Variants in ADGRL4 observed in about 807,000 individuals in gnomAD.
The protein encoded by ADGRL4 is adhesion G protein-coupled receptor L4, also known as EGF, latrophilin and seven transmembrane domain containing 1.
ADGRL4 carries 90 observed loss-of-function variants against 74.8 expected under a neutral mutation model. The ratio of observed to expected loss-of-function variants is 1.20; its 90% CI spans 1.02 to 1.43. ADGRL4 has a LOEUF of 1.43. Ranked by LOEUF, ADGRL4 falls within the 40% of genes most tolerant of loss-of-function variation. The probability of loss-of-function intolerance (pLI) is 0.00; values close to 1 mark genes in which losing one functional copy is unlikely to be tolerated. For missense variants in ADGRL4, 881 were observed against 814.3 expected (o/e 1.08, Z -1.00); for synonymous variants, 311 against 279.2 (o/e 1.11, Z -1.14).
chr1:78,983,596 C>A (rs1650438329), intron 2 of ADGRL4, among the ~76,000 whole-genome samples: 1 of 151,594 alleles, frequency 6.6e-6, no homozygotes, highest in African/African-American at 2.4e-5. Context: ...GTTTAAGAAA[C>A]ATATAACAGA....
intron 12 of ADGRL4, among the ~76,000 whole-genome samples, chr1:78,893,738 G>GT: frequency 6.6e-6 from 1 of 151,920 alleles, no homozygotes; most frequent in African/African-American, 2.4e-5. Context: ...TGATTTAACC[G>GT]TGGATGCTTT....
At chr1:78,954,202 G>T (rs2100702036) in intron 2 of ADGRL4, among the ~76,000 whole-genome samples, 1 of 152,052 alleles carries the variant, frequency 6.6e-6, no homozygotes, top group South Asian at 2.1e-4. Context: ...ACCTAGTAGG[G>T]TTCATATTAC....
At chr1:78,896,579 C>T (rs1432050681) in intron 12 of ADGRL4, among the ~76,000 whole-genome samples, 1 of 152,132 alleles carries the variant, frequency 6.6e-6, no homozygotes, top group African/African-American at 2.4e-5. Context: ...TAACTACTTA[C>T]CATTTCCACA....
chr1:79,004,592 T>A (rs568688404), intron 2 of ADGRL4, among the ~76,000 whole-genome samples: 1 of 152,278 alleles, frequency 6.6e-6, no homozygotes, highest in African/African-American at 2.4e-5. Context: ...TCATTTCCTA[T>A]GCCCAGGGTA....
chr1:78,961,308 A>G (rs1383148892), intron 2 of ADGRL4, among the ~76,000 whole-genome samples: 1 of 152,000 alleles, frequency 6.6e-6, no homozygotes, highest in East Asian at 1.9e-4. Context: ...TCACCCAGCT[A>G]ATTTTTGTAT....
chr1:78,924,155 A>G (rs986836721), intron 8 of ADGRL4, among the ~76,000 whole-genome samples: 1 of 152,010 alleles, frequency 6.6e-6, no homozygotes, highest in African/African-American at 2.4e-5. Context: ...TCTCCAGGTT[A>G]CCCTTGAAAG....
At chr1:78,949,551 G>A (rs990415079) in intron 2 of ADGRL4, among the ~76,000 whole-genome samples, 42 of 152,216 alleles carry the variant, frequency 2.8e-4, no homozygotes, top group African/African-American at 9.9e-4. Context: ...AGATTGTGGA[G>A]ATAGGCAAGA....
intron 2 of ADGRL4, among the ~76,000 whole-genome samples, chr1:78,957,801 A>G (rs2100705140): frequency 6.6e-6 from 1 of 152,136 alleles, no homozygotes; most frequent in East Asian, 1.9e-4. Context: ...AGTGTAGATG[A>G]AACAGCCTTC....
At chr1:78,935,942 T>G (rs1475457048) in intron 7 of ADGRL4, among the ~76,000 whole-genome samples, 1 of 83,000 alleles carries the variant, frequency 1.2e-5, no homozygotes, top group African/African-American at 3.8e-5. Context: ...GCTAACACGG[T>G]GAAACCCCGT....
At chr1:78,945,196 A>ATC (rs973497023) in intron 3 of ADGRL4, among the ~76,000 whole-genome samples, 5 of 148,222 alleles carry the variant, frequency 3.4e-5, no homozygotes, top group Non-Finnish European at 6.0e-5. Context: ...ATATATATAT[A>ATC]TCTCAATAGG....
intron 8 of ADGRL4, among the ~76,000 whole-genome samples, chr1:78,924,539 T>C (rs1343821004): frequency 6.6e-6 from 1 of 152,026 alleles, no homozygotes; most frequent in Non-Finnish European, 1.5e-5. Flanking sequence ...GTAGATCATC[T>C]AGACAGCATC....
intron 3 of ADGRL4, among the ~76,000 whole-genome samples, chr1:78,942,115 G>A (rs1218589419): frequency 7.1e-6 from 1 of 140,080 alleles, no homozygotes; most frequent in Non-Finnish European, 1.5e-5. Flanking sequence ...CAGGAGAATG[G>A]CATGAACCTG....
At chr1:78,990,723 A>G (rs1002243824) in intron 2 of ADGRL4, among the ~76,000 whole-genome samples, 1 of 151,978 alleles carries the variant, frequency 6.6e-6, no homozygotes, top group African/African-American at 2.4e-5. Flanking sequence ...CGAACATAAC[A>G]TTAGTTGAAG....
chr1:78,994,143 C>T (rs938723569), intron 2 of ADGRL4, among the ~76,000 whole-genome samples: 1 of 152,054 alleles, frequency 6.6e-6, no homozygotes, highest in Non-Finnish European at 1.5e-5. Context: ...TAGTTCATCC[C>T]TTAAAATGAA....
intron 2 of ADGRL4, among the ~76,000 whole-genome samples, chr1:78,956,551 C>T (rs1171888673): frequency 6.6e-6 from 1 of 152,134 alleles, no homozygotes; most frequent in Non-Finnish European, 1.5e-5. Flanking sequence ...AAGAGCCTAA[C>T]ACTCATTTTG....
At chr1:78,951,602 T>G (rs1051645413) in intron 2 of ADGRL4, among the ~76,000 whole-genome samples, 2 of 152,200 alleles carry the variant, frequency 1.3e-5, no homozygotes, top group African/African-American at 4.8e-5. Flanking sequence ...AAGAATTATT[T>G]CAGGGAAAAC....
At chr1:78,993,545 A>G (rs753456766) in intron 2 of ADGRL4, among the ~76,000 whole-genome samples, 7 of 150,424 alleles carry the variant, frequency 4.7e-5, no homozygotes, top group African/African-American at 7.4e-5. Flanking sequence ...AACTTAAAGT[A>G]CTAATATGAC....
intron 12 of ADGRL4, among the ~76,000 whole-genome samples, chr1:78,903,173 C>T (rs1157787462): frequency 6.6e-6 from 1 of 152,098 alleles, no homozygotes; most frequent in Non-Finnish European, 1.5e-5. Context: ...TATATTTGTT[C>T]CTCAAGGTGG....
At chr1:78,928,305 T>C (rs1243601676) in intron 7 of ADGRL4, among the ~76,000 whole-genome samples, 1 of 151,540 alleles carries the variant, frequency 6.6e-6, no homozygotes, top group Non-Finnish European at 1.5e-5. Context: ...CTCACCTCAT[T>C]TACAAATATA....
Sources: allele counts gnomAD v4.1 joint callset (sites outside exome capture counted in the v4.1 genomes callset), GRCh38; gene constraint gnomAD v4.1.1; transcripts MANE v1.5; gene names NCBI Gene and HGNC (gene_info 2026-07-23, HGNC 2026-07-21).